GANC: variants seen among roughly 807,000 people sequenced by gnomAD.
The protein encoded by GANC is glucosidase alpha, neutral C, also known as neutral alpha-glucosidase C.
Under a neutral mutation model 124.2 loss-of-function variants are expected in GANC, and 117 were observed. The ratio of observed to expected loss-of-function variants is 0.94; its 90% confidence interval spans 0.81 to 1.10. GANC has a LOEUF of 1.10. Ranked by LOEUF, GANC falls within the 50% of genes least tolerant of loss-of-function variation. GANC has a pLI of 0.00. For synonymous variants in GANC, 377 were observed against 376.8 expected, an observed-to-expected ratio of 1.00 and a Z score of -0.01; for missense variants, 1,140 against 1,095.0, an observed-to-expected ratio of 1.04 and a Z score of -0.58.
chr15:42,310,697 C>T lies in GANC; in HGVS notation c.908C>T (p.Thr303Ile), dbSNP rs1040674935. ...EINTEPAVEY[T>I]LTQMGPVAAK... ...TTTATTCCATTCTTTTTCCAGTACA[C>T]ACTGACCCAGATGGGCCCAGTTGCT... The change falls in exon 10 of 24, where the codon ACA (threonine) becomes ATA (isoleucine). Residue 303 changes from threonine to isoleucine, a missense_variant. Transcript: ENST00000318010. 6.2e-7 allele frequency: 1 copy of T among 1,609,706 alleles called. No individual in the cohort carries two copies. The highest frequency in any genetic ancestry group is 8.5e-7 in the Non-Finnish European group (1 of 1,176,202).
At chr15:42,338,812 T>A (rs1051134088) in intron 16 of GANC, among the ~76,000 whole-genome samples, 2 of 152,164 alleles carry the variant, frequency 1.3e-5, no homozygotes, top group Non-Finnish European at 2.9e-5. Context: ...TTCTTGAAAG[T>A]GAGAAAAATA....
At chr15:42,301,261 A>G (rs1257973869) in intron 6 of GANC, among the ~76,000 whole-genome samples, 1 of 152,142 alleles carries the variant, frequency 6.6e-6, no homozygotes, top group Non-Finnish European at 1.5e-5. Context: ...ACAAGGGATC[A>G]GGGAACTCCC....
intron 3 of GANC, among the ~76,000 whole-genome samples, chr15:42,281,429 A>G (rs1314455540): frequency 1.5e-5 from 1 of 66,728 alleles, no homozygotes. Flanking sequence ...CACACCTATA[A>G]TCCCAGCACT....
At chr15:42,310,224 A>G (rs2052036936) in intron 8 of GANC, 59 bp from the exon 9 acceptor site, 4 of 1,277,344 alleles carry the variant, frequency 3.1e-6, no homozygotes, top group South Asian at 1.7e-5. Context: ...GAGCTGTTCT[A>G]TTTATTAATA....
chr15:42,297,382 C>T (rs866270310), intron 5 of GANC, among the ~76,000 whole-genome samples: 7 of 152,210 alleles, frequency 4.6e-5, no homozygotes, highest in South Asian at 2.1e-4. Flanking sequence ...AGGCTGACAT[C>T]GAACTCCTGG....
intron 15 of GANC, among the ~76,000 whole-genome samples, chr15:42,334,783 A>G (rs2052271549): frequency 6.6e-6 from 1 of 152,074 alleles, no homozygotes; most frequent in Non-Finnish European, 1.5e-5. Flanking sequence ...AACAAAATAG[A>G]TAGACTGCTA....
At chr15:42,297,816 C>T (rs572303815) in intron 6 of GANC, among the ~76,000 whole-genome samples, 160 bp downstream of exon 6, 56 of 113,124 alleles carry the variant, frequency 5.0e-4, no homozygotes, top group African/African-American at 1.6e-3. Flanking sequence ...CTTGTCATCT[C>T]GTTGATTCAT....
At chr15:42,324,799 G>A (rs77058989) in intron 11 of GANC, among the ~76,000 whole-genome samples, 3,067 of 152,262 alleles carry the variant, frequency 0.02, 112 homozygotes, top group African/African-American at 0.07. Flanking sequence ...GAGCTAGGAG[G>A]AGGGAATGAG....
At chr15:42,319,077 A>C (rs917912720) in intron 10 of GANC, among the ~76,000 whole-genome samples, 4 of 151,024 alleles carry the variant, frequency 2.6e-5, no homozygotes, top group African/African-American at 9.8e-5. Context: ...CTAGTTTTTG[A>C]GCAATTTTCT....
intron 17 of GANC, 62 bp from the exon 18 acceptor site, chr15:42,340,628 A>C: frequency 8.3e-7 from 1 of 1,204,398 alleles, no homozygotes; most frequent in Non-Finnish European, 1.2e-6. Flanking sequence ...CTAAAAATAT[A>C]AGTGATTGAT....
At chr15:42,303,423 G>A (rs1224351115) in intron 6 of GANC, among the ~76,000 whole-genome samples, 3 of 152,042 alleles carry the variant, frequency 2.0e-5, no homozygotes, top group African/African-American at 7.2e-5. Context: ...AAAGACCATT[G>A]ACACAATGAA....
intron 10 of GANC, chr15:42,313,896 A>T (rs7173358): frequency 1.7e-6 from 1 of 592,300 alleles, no homozygotes; most frequent in East Asian, 2.8e-5. Context: ...AGGCTGCAGT[A>T]AGCACTGTTC....
At chr15:42,299,304 G>A (rs899765854) in intron 6 of GANC, among the ~76,000 whole-genome samples, 12 of 152,128 alleles carry the variant, frequency 7.9e-5, no homozygotes, top group African/African-American at 1.4e-4. Context: ...GGCCTTTCCC[G>A]CATCTATTGA....
In GANC at chr15:42,310,796, T is replaced by G. The variant is rs1379441831; in HGVS notation, c.1007T>G (p.Leu336Arg). 6.2e-7 allele frequency: 1 copy of G among 1,613,900 alleles called. No homozygotes were observed. Among genetic ancestry groups the G allele is most frequent in the Non-Finnish European group, 8.5e-7 (1 of 1,179,948 alleles). ...AGTGGCATCATTGATGTTTTTCTGC[T>G]GACAGGACCTACACCTTCTGATGTC... ...SESGIIDVFL[L>R]TGPTPSDVFK... The change falls in exon 10 of 24, where the codon CTG becomes CGG. Residue 336 changes from leucine (L) to arginine (R), a missense_variant. Physicochemically the swap from Leu to Arg is moderately radical, Grantham distance 102 (BLOSUM62 -2). Coordinates refer to ENST00000318010, the MANE Select transcript of GANC (RefSeq NM_198141.3).
rs190830967 is a variant in GANC, at chr15:42,330,539, A to G, written c.1645-37A>G. The G allele has an allele frequency of 2.1e-4, 305 of 1,484,162 alleles. No individual in the cohort carries two copies. In the African/African-American group the frequency reaches 3.4e-3, roughly 16 times the overall value. 91.9% of individuals were successfully genotyped at this position (1,484,162 alleles called of 1,614,324 possible). ...TATTGGGGATGTCTGTACAAATCCA[A>G]TCATCTCTTTGAAATTTTTCTTGTT... On this transcript the variant is annotated intron_variant, in intron 14 of 23. Transcript: ENST00000318010.
chr15:42,340,699 G>C lies in GANC; in HGVS notation c.2097G>C (p.Trp699Cys), dbSNP rs759678353. 9.3e-6 allele frequency: 15 copies of C among 1,606,336 alleles called. No homozygotes were observed. Among genetic ancestry groups the C allele is most frequent in the East Asian group, 2.2e-5 (1 of 44,852 alleles). Residue 699 changes from tryptophan to cysteine, a missense_variant, in exon 18 of 24, where the codon TGG (tryptophan) becomes TGC (cysteine). Coordinates refer to ENST00000318010, the MANE Select transcript of GANC (RefSeq NM_198141.3). ...TTTTTTCTTTCCCCAGGCCTCTGTGGGTAGAGTTCCCTGATGAACTAAAGA... is the reference window on the plus strand; with the variant it reads ...TTTTTTCTTTCCCCAGGCCTCTGTGCGTAGAGTTCCCTGATGAACTAAAGA... ...VASQPVMRPL[W>C]VEFPDELKTF...
At chr15:42,296,274 C>T (rs144935088) in intron 5 of GANC, among the ~76,000 whole-genome samples, 166 of 152,078 alleles carry the variant, frequency 1.1e-3, no homozygotes, top group Non-Finnish European at 2.2e-3. Context: ...AATATATCTA[C>T]TCTTACTCTC....
chr15:42,325,056 G>A (rs892175261), intron 11 of GANC, among the ~76,000 whole-genome samples: 1 of 151,820 alleles, frequency 6.6e-6, no homozygotes, highest in East Asian at 1.9e-4. Context: ...CTGAGGTCAG[G>A]AGTTCGAGAT....
rs1220993678 is a variant in GANC, at chr15:42,352,935, G to T, written c.*796G>T. On this transcript the variant is annotated 3_prime_UTR_variant, in exon 24 of 24. Coordinates refer to ENST00000318010, the MANE Select transcript of GANC (RefSeq NM_198141.3). ...GAGGCAAGGGAGACCCTGGCCTTGG[G>T]CACAAAATGTAAGGGATGCCAAAAA... The T allele has an allele frequency of 6.0e-6, 3 of 503,390 alleles. No homozygotes were observed. Among genetic ancestry groups the T allele is most frequent in the Non-Finnish European group, 7.7e-6 (3 of 390,042 alleles). The allele number at this position is 503,390 out of a possible 1,614,324, so 31.2% of individuals were successfully genotyped here. A position where few individuals can be genotyped will look rare whatever the true frequency, so the allele number is the denominator to read the frequency against.
Sources: gnomAD v4.1 joint callset for allele counts (sites outside exome capture counted in the v4.1 genomes callset) on GRCh38, gnomAD v4.1.1 for gene constraint, MANE v1.5 for transcripts, NCBI Gene and HGNC (gene_info 2026-07-23, HGNC 2026-07-21) for gene names.